The following SDK1 variants were observed in gnomAD, a reference collection of about 807,000 sequenced individuals.
SDK1 encodes the protein sidekick cell adhesion molecule 1.
Under a neutral mutation model 245.5 loss-of-function variants are expected in SDK1, and 157 were observed. The observed-to-expected ratio is 0.64, with a 90% CI of 0.56 to 0.73. The LOEUF (loss-of-function observed/expected upper bound fraction) is 0.73, where lower values mean the gene tolerates loss of function less well. SDK1 is among the 30% of genes least tolerant of loss of function. SDK1 has a pLI of 0.00. For synonymous variants in SDK1, 1,647 were observed against 1,278.5 expected (o/e 1.29, Z -6.15); for missense variants, 3,583 against 3,002.3 (o/e 1.19, Z -4.52).
intron 1 of SDK1, among the ~76,000 whole-genome samples, chr7:3,357,326 G>GTTTTTTTTTTTTTTTTTTTTTTTT (rs1780826215): frequency 6.0e-5 from 3 of 50,102 alleles, no homozygotes; most frequent in African/African-American, 1.3e-4. Context: ...CCTTCTTTTA[G>GTTTTTTTTTTTTTTTTTTTTTTTT]TGTTTTTTTT....
rs147295784 is a variant in SDK1 at position 4,233,408 on chromosome 7, C to T, written c.5981C>T (p.Thr1994Met). The T allele has an allele frequency of 2.9e-5, 47 of 1,612,230 alleles. No individual in the cohort carries two copies. The highest frequency in any genetic ancestry group is 1.6e-4 in the Middle Eastern group (1 of 6,076). ...TACGGGGAGCCCAGCAACCCCTCCACGGCTGTGTCAGGTAGGCCCTCCCAG... is the reference window on the plus strand; with the variant it reads ...TACGGGGAGCCCAGCAACCCCTCCATGGCTGTGTCAGGTAGGCCCTCCCAG... The part of the protein sequence containing the change: ...AGYGEPSNPS[T>M]AVSAQVEAPF... The change falls in exon 41 of 45, where the codon ACG (threonine) becomes ATG (methionine). Residue 1994 changes from threonine (T) to methionine (M), a missense_variant. Physicochemically the swap from Thr to Met is moderately conservative, Grantham distance 81 (BLOSUM62 -1). Coordinates refer to ENST00000404826, the MANE Select transcript of SDK1 (RefSeq NM_152744.4).
At chr7:3,788,806 A>G (rs191496599) in intron 4 of SDK1, among the ~76,000 whole-genome samples, 5 of 152,338 alleles carry the variant, frequency 3.3e-5, no homozygotes, top group Non-Finnish European at 7.3e-5. Context: ...TCCCTCAAAA[A>G]GCATCATTCG....
intron 4 of SDK1, among the ~76,000 whole-genome samples, chr7:3,783,901 C>T (rs978526716): frequency 6.6e-5 from 10 of 150,578 alleles, no homozygotes; most frequent in Non-Finnish European, 1.5e-4. Flanking sequence ...CCAAGGCAAT[C>T]ATGAGCAAAA....
At chr7:3,963,352 G>A (rs1781850783) in intron 9 of SDK1, among the ~76,000 whole-genome samples, 1 of 73,558 alleles carries the variant, frequency 1.4e-5, no homozygotes, top group Non-Finnish European at 2.5e-5. Flanking sequence ...TGTAACCAGT[G>A]GGTACACCCA....
At chr7:3,621,489 G>T (rs747842347) in intron 2 of SDK1, among the ~76,000 whole-genome samples, 1 of 152,208 alleles carries the variant, frequency 6.6e-6, no homozygotes, top group Non-Finnish European at 1.5e-5. Flanking sequence ...CTAATAAGAA[G>T]TAGGCATGAT....
intron 13 of SDK1, among the ~76,000 whole-genome samples, chr7:3,979,488 A>G (rs1364798683): frequency 6.6e-6 from 1 of 152,164 alleles, no homozygotes; most frequent in African/African-American, 2.4e-5. Flanking sequence ...AGTGCCAGGT[A>G]TACAGTAGGA....
At chr7:3,319,845 C>G (rs188055494) in intron 1 of SDK1, among the ~76,000 whole-genome samples, 9 of 135,706 alleles carry the variant, frequency 6.6e-5, no homozygotes, top group Admixed American at 4.5e-4. Flanking sequence ...CTGGTTTCCT[C>G]TTCCATTTGC....
chr7:3,706,595 G>A (rs969294911), intron 4 of SDK1, among the ~76,000 whole-genome samples: 1 of 152,096 alleles, frequency 6.6e-6, no homozygotes, highest in African/African-American at 2.4e-5. Context: ...GTAGAGATGG[G>A]GTTTCACCAT....
chr7:3,538,761 G>A (rs552993130), intron 1 of SDK1, among the ~76,000 whole-genome samples: 7 of 152,316 alleles, frequency 4.6e-5, no homozygotes, highest in South Asian at 2.1e-4. Context: ...AACCTGGAGT[G>A]GGGGCAGAAA....
At chr7:3,679,191 C>T (rs1038902372) in intron 4 of SDK1, among the ~76,000 whole-genome samples, 1 of 152,184 alleles carries the variant, frequency 6.6e-6, no homozygotes, top group Non-Finnish European at 1.5e-5. Context: ...AAATATTTGC[C>T]AGCCACATGT....
chr7:3,650,844 C>CT (rs1782992510), intron 4 of SDK1, among the ~76,000 whole-genome samples: 1 of 137,780 alleles, frequency 7.3e-6, no homozygotes, highest in Non-Finnish European at 1.6e-5. Flanking sequence ...TTTTTTTTAA[C>CT]TTAGTATAAT....
chr7:4,179,768 G>C lies in SDK1; in HGVS notation c.5098+1182G>C, dbSNP rs556900904. Among the ~76,000 whole-genome samples the C allele has an allele frequency of 2.0e-5, 3 of 152,130 alleles. 1 individual carries two copies. The highest frequency in any genetic ancestry group is 6.5e-5 in the Admixed American group (1 of 15,290). On this transcript the variant is annotated intron_variant, in intron 35 of 44. Coordinates refer to ENST00000404826, the MANE Select transcript of SDK1 (RefSeq NM_152744.4). The stretch of plus-strand genomic sequence containing the variant: ...GGGTGCCAGGGTGCCGTCAGTAAAG[G>C]GTGGGTGCCACTGCGGACGGCGGCC...
At chr7:3,875,112 AGTG>A (rs1200104702) in intron 5 of SDK1, among the ~76,000 whole-genome samples, 1 of 152,196 alleles carries the variant, frequency 6.6e-6, no homozygotes. Flanking sequence ...ATGGGCTTAT[AGTG>A]AGTTCAAGGT....
intron 2 of SDK1, among the ~76,000 whole-genome samples, chr7:3,629,674 A>G (rs549413817): frequency 1.6e-4 from 24 of 152,252 alleles, no homozygotes; most frequent in Non-Finnish European, 2.8e-4. Flanking sequence ...ACTGTTGCTC[A>G]ATATCTTCAC....
chr7:3,940,531 C>A (rs1780318736), intron 5 of SDK1, among the ~76,000 whole-genome samples: 1 of 152,196 alleles, frequency 6.6e-6, no homozygotes. Context: ...TCAGCGGACT[C>A]CCTGGGCCTC....
At chr7:3,947,037 GA>G (rs1583605567) in intron 5 of SDK1, among the ~76,000 whole-genome samples, 1 of 152,180 alleles carries the variant, frequency 6.6e-6, no homozygotes, top group Admixed American at 6.5e-5. Flanking sequence ...CTTCTGCTGT[GA>G]TGGATGAGCT....
chr7:3,800,708 C>G (rs1779086919), intron 4 of SDK1, among the ~76,000 whole-genome samples: 1 of 152,136 alleles, frequency 6.6e-6, no homozygotes, highest in African/African-American at 2.4e-5. Context: ...ACTGTTTTCT[C>G]TGCCATCACA....
At chr7:3,368,241 C>T (rs1352312456) in intron 1 of SDK1, among the ~76,000 whole-genome samples, 1 of 152,160 alleles carries the variant, frequency 6.6e-6, no homozygotes, top group Non-Finnish European at 1.5e-5. Context: ...CTAGGTGTTA[C>T]AAACAGAAGA....
At chr7:3,361,729 T>C (rs964849952) in intron 1 of SDK1, among the ~76,000 whole-genome samples, 2 of 152,222 alleles carry the variant, frequency 1.3e-5, no homozygotes, top group Non-Finnish European at 2.9e-5. Flanking sequence ...AGGGCATTTA[T>C]TGCAGGTTTA....
Sources: allele counts gnomAD v4.1 joint callset (sites outside exome capture counted in the v4.1 genomes callset), GRCh38; gene constraint gnomAD v4.1.1; transcripts MANE v1.5; gene names NCBI Gene and HGNC (gene_info 2026-07-23, HGNC 2026-07-21).